Variants in ETV6 observed in about 807,000 individuals in gnomAD.
ETV6 encodes ETS variant transcription factor 6, also known as transcription factor ETV6.
A neutral mutation model predicts 51.1 loss-of-function variants in ETV6; 16 were observed. The observed-to-expected ratio is 0.31, with a 90% confidence interval of 0.21 to 0.48. ETV6 has a LOEUF of 0.48. Ranked by LOEUF, ETV6 falls within the 20% of genes least tolerant of loss-of-function variation. The pLI is 0.99. For missense variants in ETV6, 458 were observed against 594.8 expected (o/e 0.77, Z 2.39); for synonymous variants, 240 against 224.1 (o/e 1.07, Z -0.64).
intron 2 of ETV6, among the ~76,000 whole-genome samples, chr12:11,829,273 C>G (rs1017500717): frequency 1.3e-5 from 2 of 152,216 alleles, no homozygotes; most frequent in African/African-American, 4.8e-5. Flanking sequence ...CCCAACCCCC[C>G]AAAATGCATT....
At position 11,764,809 on chromosome 12, in the gene ETV6, G is replaced by A. The variant is rs1945140880; in HGVS notation, c.163+12230G>A. On this transcript the variant is annotated intron_variant, in intron 2 of 7. Transcript: ENST00000396373. ...AACTTCCATTTATTGAGTGCTTATG[G>A]TAGGCGCTTTTCACATGTATTGTAT... 2.6e-5 allele frequency among the ~76,000 whole-genome samples: 4 copies of A among 152,132 alleles called. No individual in the cohort carries two copies. The South Asian group carries it at 8.3e-4, about 32-fold the overall frequency.
rs796691649 is a variant in ETV6, at chr12:11,669,356, GTCCTCCCT to G, written c.33+19213_33+19220del. Among the ~76,000 whole-genome samples, 108 of 117,016 alleles carry G rather than the reference GTCCTCCCT, an allele frequency of 9.2e-4. 2 individuals carry two copies. The East Asian group carries it at 0.022, about 24-fold the overall frequency. The allele number at this position is 117,016 out of a possible 152,430, so 76.8% of individuals were successfully genotyped here. ...CTCCCTCCTTTCCTCCCGTCCTCCT[GTCCTCCCT>G]TCCTCCCTTCCTCCCTCCCTCCCTC... On this transcript the variant is annotated intron_variant, in intron 1 of 7. Coordinates refer to ENST00000396373, the MANE Select transcript of ETV6 (RefSeq NM_001987.5).
At chr12:11,724,157 A>AG (rs780290379) in intron 1 of ETV6, among the ~76,000 whole-genome samples, 39 of 152,302 alleles carry the variant, frequency 2.6e-4, no homozygotes, top group Middle Eastern at 3.4e-3. Context: ...TAAGCAGGTC[A>AG]GCTGCCTGAG....
chr12:11,885,882 G>T (rs568804517), intron 6 of ETV6, 44 bp from the exon 7 acceptor site: 2 of 1,416,420 alleles, frequency 1.4e-6, no homozygotes, highest in African/African-American at 2.8e-5. Context: ...TCATTTCATT[G>T]TGTCTTTGTG....
At chr12:11,678,287 A>G (rs1864459136) in intron 1 of ETV6, among the ~76,000 whole-genome samples, 1 of 152,194 alleles carries the variant, frequency 6.6e-6, no homozygotes. Context: ...TTTAGCATGG[A>G]TGCTGATCAA....
intron 1 of ETV6, among the ~76,000 whole-genome samples, chr12:11,730,636 G>A (rs1464795232): frequency 4.6e-5 from 7 of 152,184 alleles, no homozygotes; most frequent in Non-Finnish European, 1.0e-4. Context: ...GTGAACCTGC[G>A]ACTTCATCCT....
chr12:11,688,546 G>T (rs1864681670), intron 1 of ETV6, among the ~76,000 whole-genome samples: 1 of 152,212 alleles, frequency 6.6e-6, no homozygotes, highest in South Asian at 2.1e-4. Context: ...GATAAGCTGG[G>T]CTTCCCAGCA....
chr12:11,678,950 A>G (rs1044278579), intron 1 of ETV6, among the ~76,000 whole-genome samples: 1 of 152,176 alleles, frequency 6.6e-6, no homozygotes, highest in Admixed American at 6.5e-5. Flanking sequence ...GTGCCCACCC[A>G]CATTGGGGAG....
intron 4 of ETV6, among the ~76,000 whole-genome samples, chr12:11,854,049 A>G (rs995071627): frequency 1.1e-4 from 17 of 152,082 alleles, no homozygotes; most frequent in African/African-American, 4.1e-4. Flanking sequence ...TAATTATACA[A>G]TCCACCATAA....
At chr12:11,800,579 C>G (rs1829061608) in intron 2 of ETV6, among the ~76,000 whole-genome samples, 1 of 152,134 alleles carries the variant, frequency 6.6e-6, no homozygotes, top group Non-Finnish European at 1.5e-5. Flanking sequence ...TTCTTTTACT[C>G]TGCTTGAGTT....
Position 11,891,470 on chromosome 12 carries a change from T to TA in ETV6, c.*424_*425insA, listed in dbSNP as rs1947286138. The TA allele has an allele frequency of 3.3e-5, 16 of 488,476 alleles. No homozygotes were observed. Among genetic ancestry groups the TA allele is most frequent in the South Asian group, 5.3e-5 (3 of 56,888 alleles). The allele number at this position is 488,476 out of a possible 1,614,324, so 30.3% of individuals were successfully genotyped here. A position where few individuals can be genotyped will look rare whatever the true frequency, so the allele number is the denominator to read the frequency against. ...GAAATATATATCTATTATATATATA[T>TA]TTTTTGCAAATCTCACAAAGTGCGG... On this transcript the variant is annotated 3_prime_UTR_variant, in exon 8 of 8. Transcript: ENST00000396373.
At chr12:11,785,760 G>T (rs570788669) in intron 2 of ETV6, among the ~76,000 whole-genome samples, 126 of 152,296 alleles carry the variant, frequency 8.3e-4, no homozygotes, top group Non-Finnish European at 1.6e-3. Context: ...CCATGGAGTT[G>T]ATTTCTTGGC....
chr12:11,652,711 C>T (rs1863929342), intron 1 of ETV6, among the ~76,000 whole-genome samples: 2 of 152,138 alleles, frequency 1.3e-5, no homozygotes, highest in Admixed American at 6.5e-5. Flanking sequence ...GAGGGAAGTA[C>T]TTTGTTTATT....
intron 1 of ETV6, among the ~76,000 whole-genome samples, chr12:11,654,109 C>A (rs1225524378): frequency 1.3e-5 from 2 of 152,142 alleles, no homozygotes; most frequent in Admixed American, 6.5e-5. Context: ...CCACTGCGTC[C>A]AGCGTAATGT....
At chr12:11,669,214 A>G (rs182487814) in intron 1 of ETV6, among the ~76,000 whole-genome samples, 22 of 152,270 alleles carry the variant, frequency 1.4e-4, no homozygotes, top group South Asian at 2.1e-4. Context: ...CTCTTTAACC[A>G]TAAGGTGCGC....
intron 2 of ETV6, among the ~76,000 whole-genome samples, chr12:11,819,895 C>G (rs1482016600): frequency 6.6e-6 from 1 of 152,216 alleles, no homozygotes; most frequent in Non-Finnish European, 1.5e-5. Flanking sequence ...AAAACAATAT[C>G]CGATTATGTT....
At chr12:11,745,787 G>A (rs150143143) in intron 1 of ETV6, among the ~76,000 whole-genome samples, 5 of 152,278 alleles carry the variant, frequency 3.3e-5, no homozygotes, top group African/African-American at 9.6e-5. Context: ...AATGTCTTCC[G>A]TTGTTGTTAA....
At chr12:11,731,523 TAAG>T (rs1865597502) in intron 1 of ETV6, among the ~76,000 whole-genome samples, 1 of 152,178 alleles carries the variant, frequency 6.6e-6, no homozygotes, top group Non-Finnish European at 1.5e-5. Flanking sequence ...CTGTTATTCT[TAAG>T]AAGAGAAGAG....
intron 1 of ETV6, among the ~76,000 whole-genome samples, chr12:11,674,642 TGTGTGTGTGTG>T (rs1864381466): frequency 6.6e-6 from 1 of 151,064 alleles, no homozygotes; most frequent in South Asian, 2.1e-4. Flanking sequence ...TGTGTGTGTG[TGTGTGTGTGTG>T]TGTGTGTGTT....
Sources: gnomAD v4.1 joint callset for allele counts (sites outside exome capture counted in the v4.1 genomes callset) on GRCh38, gnomAD v4.1.1 for gene constraint, MANE v1.5 for transcripts, NCBI Gene and HGNC (gene_info 2026-07-23, HGNC 2026-07-21) for gene names.